Variants in ARHGAP15 observed in about 807,000 individuals in gnomAD.
ARHGAP15 encodes the protein rho GTPase-activating protein 15.
A neutral mutation model predicts 63.7 loss-of-function variants in ARHGAP15; 51 were observed. That is an observed-to-expected ratio of 0.80 (90% CI 0.64 to 1.01). The LOEUF is 1.01. ARHGAP15 is among the 50% of genes least tolerant of loss of function. The probability of loss-of-function intolerance (pLI) is 0.00; values close to 1 mark genes in which losing one functional copy is unlikely to be tolerated. For missense variants in ARHGAP15, 560 were observed against 564.6 expected (o/e 0.99, Z 0.08); for synonymous variants, 191 against 193.8 (o/e 0.99, Z 0.12).
intron 12 of ARHGAP15, among the ~76,000 whole-genome samples, chr2:143,664,379 GAC>G (rs1212238019): frequency 6.6e-6 from 1 of 151,664 alleles, no homozygotes; most frequent in Non-Finnish European, 1.5e-5. Context: ...CGAGAACAAA[GAC>G]ACAACATACC....
intron 9 of ARHGAP15, among the ~76,000 whole-genome samples, chr2:143,496,365 A>C (rs746841349): frequency 1.3e-5 from 2 of 152,226 alleles, no homozygotes; most frequent in Non-Finnish European, 2.9e-5. Context: ...AAAGCAGAAT[A>C]GCTTTGGAGC....
chr2:143,153,160 G>A (rs1038955794), intron 1 of ARHGAP15, among the ~76,000 whole-genome samples: 1 of 151,832 alleles, frequency 6.6e-6, no homozygotes, highest in African/African-American at 2.4e-5. Flanking sequence ...TATAAATGGT[G>A]TACGGTTGGG....
At chr2:143,456,445 G>T (rs1165266778) in intron 8 of ARHGAP15, among the ~76,000 whole-genome samples, 1 of 151,990 alleles carries the variant, frequency 6.6e-6, no homozygotes. Context: ...TGAAGTAAAG[G>T]TGTAGAGTGA....
chr2:143,662,375 C>T (rs895437907), intron 12 of ARHGAP15, among the ~76,000 whole-genome samples: 1 of 146,308 alleles, frequency 6.8e-6, no homozygotes, highest in African/African-American at 2.5e-5. Flanking sequence ...AGAAGGAAAA[C>T]TAACAAACAG....
rs776351745 is a variant in ARHGAP15 at position 143,250,554 on chromosome 2, A to G, written c.428A>G (p.His143Arg). The G allele has an allele frequency of 6.2e-7, 1 of 1,613,518 alleles. No homozygotes were observed. Residue 143 changes from histidine (H) to arginine (R), a missense_variant, in exon 6 of 14, where the codon CAC becomes CGC. By Grantham distance (29) the His-to-Arg change is conservative. Transcript: ENST00000295095. ...GAAAGTGTGGATTTGTGTGGAGCAC[A>G]CATTGAATGGGCCAAGGAAAAATCG... Reference protein sequence around the residue: ...KPESVDLCGAHIEWAKEKSSR... With the variant: ...KPESVDLCGARIEWAKEKSSR...
chr2:143,459,628 T>C (rs965480647), intron 8 of ARHGAP15, among the ~76,000 whole-genome samples: 5 of 152,160 alleles, frequency 3.3e-5, no homozygotes, highest in Non-Finnish European at 7.4e-5. Context: ...CTTAGAAATA[T>C]GTGTACTCTT....
intron 6 of ARHGAP15, among the ~76,000 whole-genome samples, chr2:143,344,994 G>C (rs760040368): frequency 6.6e-6 from 1 of 152,058 alleles, no homozygotes; most frequent in Non-Finnish European, 1.5e-5. Context: ...TTCTCAGAAG[G>C]CCTCTCTTAC....
intron 8 of ARHGAP15, among the ~76,000 whole-genome samples, chr2:143,456,726 A>G (rs1006588291): frequency 1.3e-5 from 2 of 151,964 alleles, no homozygotes; most frequent in Non-Finnish European, 2.9e-5. Context: ...AACACATTCT[A>G]TTATACCTTT....
intron 11 of ARHGAP15, among the ~76,000 whole-genome samples, chr2:143,577,871 A>G (rs532461878): frequency 6.6e-6 from 1 of 152,270 alleles, no homozygotes; most frequent in East Asian, 1.9e-4. Context: ...CTGGTGCACT[A>G]TGTTCAGAAA....
chr2:143,731,032 G>T (rs568041706), intron 13 of ARHGAP15, among the ~76,000 whole-genome samples: 1 of 143,556 alleles, frequency 7.0e-6, no homozygotes, highest in East Asian at 2.1e-4. Context: ...AGCAGCAATA[G>T]AGAGTAATAG....
chr2:143,507,193 C>T (rs1693361453), intron 9 of ARHGAP15, among the ~76,000 whole-genome samples: 1 of 152,008 alleles, frequency 6.6e-6, no homozygotes, highest in African/African-American at 2.4e-5. Flanking sequence ...CAAAGCTATC[C>T]CTTTCTTCTT....
intron 6 of ARHGAP15, among the ~76,000 whole-genome samples, chr2:143,430,942 C>T (rs996924696): frequency 6.6e-6 from 1 of 151,988 alleles, no homozygotes; most frequent in Non-Finnish European, 1.5e-5. Context: ...TCCTTAGGTT[C>T]TAATCAAAAT....
chr2:143,413,909 T>G (rs1171513745), intron 6 of ARHGAP15, among the ~76,000 whole-genome samples: 1 of 147,542 alleles, frequency 6.8e-6, no homozygotes, highest in Non-Finnish European at 1.5e-5. Context: ...TTGAGTGCCC[T>G]AGATGGAAGG....
At chr2:143,549,762 G>A (rs1695477920) in intron 10 of ARHGAP15, among the ~76,000 whole-genome samples, 1 of 152,120 alleles carries the variant, frequency 6.6e-6, no homozygotes, top group Non-Finnish European at 1.5e-5. Context: ...CTTTGCCCAG[G>A]TGAAAAATTG....
intron 2 of ARHGAP15, among the ~76,000 whole-genome samples, chr2:143,191,111 A>G (rs1380533473): frequency 3.9e-5 from 6 of 152,192 alleles, no homozygotes; most frequent in Non-Finnish European, 4.4e-5. Flanking sequence ...AACATTTCCA[A>G]TCAAAAGGTC....
intron 6 of ARHGAP15, among the ~76,000 whole-genome samples, chr2:143,254,200 T>G (rs1680304798): frequency 6.6e-6 from 1 of 152,104 alleles, no homozygotes; most frequent in African/African-American, 2.4e-5. Context: ...TACAACATAA[T>G]CTTAAATAAT....
intron 12 of ARHGAP15, among the ~76,000 whole-genome samples, chr2:143,643,432 C>A (rs1680708647): frequency 6.8e-6 from 1 of 147,294 alleles, no homozygotes; most frequent in African/African-American, 2.5e-5. Flanking sequence ...CACCCACCCC[C>A]CCCCACCAAA....
chr2:143,740,293 A>G (rs1293465342), intron 13 of ARHGAP15, among the ~76,000 whole-genome samples: 1 of 152,220 alleles, frequency 6.6e-6, no homozygotes, highest in Admixed American at 6.5e-5. Flanking sequence ...GGCTATATGT[A>G]TATGTCCTGA....
At chr2:143,239,396 A>G (rs1401908591) in intron 5 of ARHGAP15, among the ~76,000 whole-genome samples, 2 of 152,124 alleles carry the variant, frequency 1.3e-5, no homozygotes, top group East Asian at 3.8e-4. Context: ...TCTAGAATTT[A>G]TTATTCTTGT....
Sources: gnomAD v4.1 joint callset for allele counts (sites outside exome capture counted in the v4.1 genomes callset) on GRCh38, gnomAD v4.1.1 for gene constraint, MANE v1.5 for transcripts, NCBI Gene and HGNC (gene_info 2026-07-23, HGNC 2026-07-21) for gene names.